The following ZCCHC7 variants were observed in gnomAD, a reference collection of about 807,000 sequenced individuals.
ZCCHC7 encodes the protein zinc finger CCHC domain-containing protein 7.
ZCCHC7 carries 35 observed loss-of-function variants against 52.0 expected under a neutral mutation model. The observed-to-expected ratio is 0.67, with a 90% confidence interval of 0.51 to 0.89. The LOEUF (loss-of-function observed/expected upper bound fraction) is 0.89, where lower values mean the gene tolerates loss of function less well. Among genes scored for constraint, ZCCHC7 ranks in the 40% least tolerant of loss-of-function variants. ZCCHC7 has a pLI of 0.00. For synonymous variants in ZCCHC7, 217 were observed against 221.5 expected, an observed-to-expected ratio of 0.98 and a Z score of 0.18; for missense variants, 574 against 649.1, an observed-to-expected ratio of 0.88 and a Z score of 1.26.
chr9:37,278,624 T>C (rs916366762), intron 2 of ZCCHC7, among the ~76,000 whole-genome samples: 1 of 152,196 alleles, frequency 6.6e-6, no homozygotes, highest in African/African-American at 2.4e-5. Context: ...TAGTGAAAGA[T>C]GTAATTGTAC....
At chr9:37,351,510 A>T (rs1301355856) in intron 7 of ZCCHC7, among the ~76,000 whole-genome samples, 1 of 152,036 alleles carries the variant, frequency 6.6e-6, no homozygotes, top group Admixed American at 6.6e-5. Flanking sequence ...TCTCACTATG[A>T]TGCCCAGGCT....
chr9:37,221,210 G>A (rs1350829458), intron 2 of ZCCHC7, among the ~76,000 whole-genome samples: 1 of 152,124 alleles, frequency 6.6e-6, no homozygotes, highest in Non-Finnish European at 1.5e-5. Context: ...GAGAAATACT[G>A]GTAACATGAT....
chr9:37,123,817 A>G (rs1190260275), intron 1 of ZCCHC7, among the ~76,000 whole-genome samples: 3 of 152,230 alleles, frequency 2.0e-5, no homozygotes, highest in African/African-American at 7.2e-5. Context: ...AATTCCTCTG[A>G]GGCTAACAAT....
At chr9:37,308,921 C>T (rs1472190846) in intron 5 of ZCCHC7, among the ~76,000 whole-genome samples, 2 of 146,846 alleles carry the variant, frequency 1.4e-5, no homozygotes, top group Admixed American at 6.9e-5. Flanking sequence ...GCAGAGGTTG[C>T]AGTGAGCCAA....
At chr9:37,154,807 T>G (rs1285093976) in intron 2 of ZCCHC7, among the ~76,000 whole-genome samples, 1 of 151,958 alleles carries the variant, frequency 6.6e-6, no homozygotes, top group Non-Finnish European at 1.5e-5. Flanking sequence ...AATTAGAGAG[T>G]CCTGATCTCA....
chr9:37,187,755 T>G (rs1318887121), intron 2 of ZCCHC7, among the ~76,000 whole-genome samples: 1 of 152,216 alleles, frequency 6.6e-6, no homozygotes, highest in Non-Finnish European at 1.5e-5. Flanking sequence ...CTTTTTGCCC[T>G]GTTTTGTGTT....
At chr9:37,333,374 C>A (rs926397098) in intron 6 of ZCCHC7, among the ~76,000 whole-genome samples, 2 of 151,700 alleles carry the variant, frequency 1.3e-5, no homozygotes, top group African/African-American at 4.8e-5. Context: ...ATAATTGAAT[C>A]TGAAGTTCTA....
chr9:37,134,028 C>T (rs539548292), intron 2 of ZCCHC7, among the ~76,000 whole-genome samples: 24 of 152,122 alleles, frequency 1.6e-4, no homozygotes, highest in South Asian at 1.2e-3. Flanking sequence ...CCGACTGAAA[C>T]GTACTATATA....
chr9:37,208,968 T>C (rs1303893241), intron 2 of ZCCHC7, among the ~76,000 whole-genome samples: 1 of 152,214 alleles, frequency 6.6e-6, no homozygotes, highest in African/African-American at 2.4e-5. Context: ...TGACTTCTTT[T>C]TAAAAAATTT....
chr9:37,121,077 A>G (rs1220320750), intron 1 of ZCCHC7, among the ~76,000 whole-genome samples: 3 of 151,968 alleles, frequency 2.0e-5, no homozygotes, highest in Non-Finnish European at 4.4e-5. Flanking sequence ...GTAGAATCCA[A>G]AATTTCGGGA....
chr9:37,337,046 T>G (rs1217086707), intron 6 of ZCCHC7, among the ~76,000 whole-genome samples: 1 of 152,254 alleles, frequency 6.6e-6, no homozygotes, highest in South Asian at 2.1e-4. Flanking sequence ...ATTTAACCTT[T>G]CAATTTAGAG....
At chr9:37,332,038 G>A (rs1207531201) in intron 6 of ZCCHC7, among the ~76,000 whole-genome samples, 1 of 151,432 alleles carries the variant, frequency 6.6e-6, no homozygotes, top group African/African-American at 2.4e-5. Context: ...AACTTACTTT[G>A]CCTACTTCCT....
At chr9:37,236,370 G>A (rs1825649064) in intron 2 of ZCCHC7, among the ~76,000 whole-genome samples, 1 of 150,960 alleles carries the variant, frequency 6.6e-6, no homozygotes, top group Non-Finnish European at 1.5e-5. Context: ...GGCTCACAGG[G>A]TATTTCTCTA....
At chr9:37,253,873 T>C (rs1306633430) in intron 2 of ZCCHC7, among the ~76,000 whole-genome samples, 1 of 152,028 alleles carries the variant, frequency 6.6e-6, no homozygotes, top group Non-Finnish European at 1.5e-5. Context: ...CCTATCAACA[T>C]ATATTTTAAG....
intron 2 of ZCCHC7, among the ~76,000 whole-genome samples, chr9:37,218,495 G>A (rs1487056415): frequency 6.6e-6 from 1 of 152,138 alleles, no homozygotes; most frequent in Non-Finnish European, 1.5e-5. Flanking sequence ...GTAAAACTTA[G>A]GGGTTTAAAT....
At chr9:37,277,325 T>G (rs902798310) in intron 2 of ZCCHC7, among the ~76,000 whole-genome samples, 2 of 152,138 alleles carry the variant, frequency 1.3e-5, no homozygotes, top group African/African-American at 4.8e-5. Context: ...CACACATAAT[T>G]GAAAGCACAC....
At chr9:37,242,226 A>G (rs571064047) in intron 2 of ZCCHC7, among the ~76,000 whole-genome samples, 3 of 151,914 alleles carry the variant, frequency 2.0e-5, no homozygotes, top group Admixed American at 6.6e-5. Context: ...GGTATAATCT[A>G]CATGCAATCC....
chr9:37,336,457 T>C (rs2118369221), intron 6 of ZCCHC7, among the ~76,000 whole-genome samples: 1 of 152,202 alleles, frequency 6.6e-6, no homozygotes, highest in South Asian at 2.1e-4. Context: ...TGATCGATGG[T>C]TAAGAGTATT....
At position 37,354,772 on chromosome 9, in the gene ZCCHC7, T is replaced by G; in HGVS notation, c.1146T>G (p.Asp382Glu). The G allele has an allele frequency of 6.2e-7, 1 of 1,613,466 alleles. No individual in the cohort carries two copies. Among genetic ancestry groups the G allele is most frequent in the Non-Finnish European group, 8.5e-7 (1 of 1,179,550 alleles). The change falls in exon 8 of 9, where the codon GAT becomes GAG. Residue 382 changes from aspartate (D) to glutamate (E), a missense_variant. By Grantham distance (45) the Asp-to-Glu change is conservative. Around this residue, in one of 3 missense-constraint regions of ZCCHC7, gnomAD observed 403 missense variants for 461.2 expected, o/e 0.87. Transcript: ENST00000336755. The surrounding 1 kb of genome is among the most constrained non-coding windows in gnomAD (Gnocchi z 4.0). ...TATCTCCATTCATCTGCTACTATGA[T>G]GACAAATATGAAATTCAGGAGAGAG... ...SPVSPFICYY[D>E]DKYEIQEREK...
Sources: allele counts gnomAD v4.1 joint callset (sites outside exome capture counted in the v4.1 genomes callset), GRCh38; gene constraint gnomAD v4.1.1; regional missense constraint gnomAD v4.1.1; non-coding constraint Gnocchi (gnomAD v3.1); transcripts MANE v1.5; gene names NCBI Gene and HGNC (gene_info 2026-07-23, HGNC 2026-07-21).